PKHD1L1: variants seen among roughly 807,000 people sequenced by gnomAD.
PKHD1L1 encodes the protein PKHD1 like 1.
In PKHD1L1, 434 loss-of-function variants were observed where a neutral mutation model predicts 462.9. That is an observed-to-expected ratio of 0.94 (90% confidence interval 0.87 to 1.02). The LOEUF (loss-of-function observed/expected upper bound fraction) is 1.02, where lower values mean the gene tolerates loss of function less well. PKHD1L1 is among the 50% of genes least tolerant of loss of function. The probability of loss-of-function intolerance (pLI) is 0.00; values close to 1 mark genes in which losing one functional copy is unlikely to be tolerated. For synonymous variants in PKHD1L1, 1,781 were observed against 1,750.0 expected, an observed-to-expected ratio of 1.02 and a Z score of -0.44; for missense variants, 5,202 against 5,096.1, an observed-to-expected ratio of 1.02 and a Z score of -0.63.
chr8:109,398,633 A>G, intron 12 of PKHD1L1, 85 bp downstream of exon 12: 1 of 561,870 alleles, frequency 1.8e-6, no homozygotes, highest in Non-Finnish European at 2.7e-6. Flanking sequence ...AATTTTTAGA[A>G]TTTAGAATTT....
At position 109,404,593 on chromosome 8, in the gene PKHD1L1, T is replaced by C. The variant is rs571327997; in HGVS notation, c.1413T>C (p.Ser471=). 3.8e-5 allele frequency: 60 copies of C among 1,595,850 alleles called. No homozygotes were observed. Among genetic ancestry groups the C allele is most frequent in the Non-Finnish European group, 4.8e-5 (56 of 1,170,196 alleles). Residue 471 remains serine (S), a synonymous_variant, in exon 15 of 78, where the codon AGT becomes AGC. Transcript: ENST00000378402. The part of the protein sequence containing the change: ...IEILLQEYRL[S]AFVDVGLYQY... ...TCTTGCTGCAGGAGTACAGATTAAG[T>C]GCATTTGTTGATGTTGGACTGTACC...
At chr8:109,515,057 A>G in intron 71 of PKHD1L1, 113 bp from the exon 72 acceptor site, 1 of 850,798 alleles carries the variant, frequency 1.2e-6, no homozygotes, top group Non-Finnish European at 1.7e-6. Flanking sequence ...CCAAATCCAT[A>G]AAACTTAGTT....
At chr8:109,520,661 A>G (rs912179993) in intron 73 of PKHD1L1, among the ~76,000 whole-genome samples, 1 of 152,138 alleles carries the variant, frequency 6.6e-6, no homozygotes, top group Non-Finnish European at 1.5e-5. Flanking sequence ...GGCAAGAAAG[A>G]TGTTCATGTA....
intron 2 of PKHD1L1, among the ~76,000 whole-genome samples, chr8:109,372,520 G>T (rs971331848): frequency 2.6e-5 from 4 of 152,110 alleles, no homozygotes; most frequent in Non-Finnish European, 5.9e-5. Flanking sequence ...TGGTTGCCCT[G>T]GCCAGAACTT....
At chr8:109,364,399 C>G (rs573694612) in intron 1 of PKHD1L1, 148 bp from the exon 2 acceptor site, 25 of 663,176 alleles carry the variant, frequency 3.8e-5, no homozygotes, top group Middle Eastern at 4.1e-4. Flanking sequence ...TTGGCAGAGC[C>G]AAAAATAAAA....
chr8:109,502,311 T>TATA (rs1819462264), intron 67 of PKHD1L1, among the ~76,000 whole-genome samples: 2 of 152,280 alleles, frequency 1.3e-5, no homozygotes, highest in South Asian at 4.1e-4. Flanking sequence ...CATACTAGTG[T>TATA]ATAATTCCCT....
rs55680302 is a variant in PKHD1L1 at position 109,389,499 on chromosome 8, AGTGTGTGTGTGTGTGT to A, written c.697+380_697+395del. Among the ~76,000 whole-genome samples the A allele has an allele frequency of 4.2e-3, 596 of 140,840 alleles. 6 individuals carry two copies. Among genetic ancestry groups the A allele is most frequent in the African/African-American group, 0.014 (505 of 37,280 alleles). The allele number at this position is 140,840 out of a possible 152,430, so 92.4% of individuals were successfully genotyped here. A position where few individuals can be genotyped will look rare whatever the true frequency, so the allele number is the denominator to read the frequency against. ...CCTCCAGACACATAGATCTTTTAAGAGTGTGTGTGTGTGTGTGTGTGTGTGTGTGTGTGTGTGTGTG... is the reference window on the plus strand; with the variant it reads ...CCTCCAGACACATAGATCTTTTAAGAGTGTGTGTGTGTGTGTGTGTGTGTG... On this transcript the variant is annotated intron_variant, in intron 8 of 77. Coordinates refer to ENST00000378402, the MANE Select transcript of PKHD1L1 (RefSeq NM_177531.6).
intron 50 of PKHD1L1, 75 bp downstream of exon 50, chr8:109,466,844 T>C: frequency 7.4e-7 from 1 of 1,348,674 alleles, no homozygotes; most frequent in Non-Finnish European, 1.0e-6. Flanking sequence ...CTTCTTGCAT[T>C]GTTACTTGGT....
chr8:109,415,463 G>T (rs2124982), intron 21 of PKHD1L1, among the ~76,000 whole-genome samples: 2 of 151,988 alleles, frequency 1.3e-5, no homozygotes, highest in African/African-American at 2.4e-5. Flanking sequence ...GTATGAAGTG[G>T]GAAACAGCCA....
In PKHD1L1 at chr8:109,385,410, A is replaced by T. The variant is rs117037443; in HGVS notation, c.476-127A>T. The T allele has an allele frequency of 7.9e-3, 4,375 of 552,338 alleles. 39 individuals are homozygous for T. Among genetic ancestry groups the T allele is most frequent in the Middle Eastern group, 0.045 (163 of 3,612 alleles). 34.2% of individuals were successfully genotyped at this position (552,338 alleles called of 1,614,324 possible). A position where few individuals can be genotyped will look rare whatever the true frequency, so the allele number is the denominator to read the frequency against. On this transcript the variant is annotated intron_variant, in intron 5 of 77. Transcript: ENST00000378402. The stretch of plus-strand genomic sequence containing the variant: ...AACTTTCAGAACAATGCTAAACAAT[A>T]GTGGCAAACATGAGGTATAAGTGTC...
At chr8:109,427,430 A>G (rs907901911) in intron 25 of PKHD1L1, among the ~76,000 whole-genome samples, 5 of 152,166 alleles carry the variant, frequency 3.3e-5, no homozygotes, top group African/African-American at 1.2e-4. Flanking sequence ...TGACAGGGGC[A>G]GGTGGAGCGC....
chr8:109,428,863 T>C (rs1353839959), intron 25 of PKHD1L1, among the ~76,000 whole-genome samples: 1 of 152,292 alleles, frequency 6.6e-6, no homozygotes, highest in East Asian at 1.9e-4. Flanking sequence ...TTTTTACCAT[T>C]GGAAGAACAT....
intron 70 of PKHD1L1, 29 bp from the exon 71 acceptor site, chr8:109,510,748 G>A: frequency 6.2e-7 from 1 of 1,603,326 alleles, no homozygotes; most frequent in Non-Finnish European, 8.5e-7. Context: ...TGATATAGGA[G>A]TATGCACTTT....
intron 14 of PKHD1L1, among the ~76,000 whole-genome samples, chr8:109,402,218 G>C (rs755199749): frequency 6.6e-6 from 1 of 152,146 alleles, no homozygotes; most frequent in Non-Finnish European, 1.5e-5. Context: ...GTGGTGGAAT[G>C]GAGTTACATG....
chr8:109,494,046 A>T (rs572492661), intron 63 of PKHD1L1, among the ~76,000 whole-genome samples: 19 of 151,960 alleles, frequency 1.3e-4, no homozygotes, highest in East Asian at 5.8e-4. Context: ...CACCATTTTT[A>T]AAAAAACGGC....
chr8:109,483,200 T>A (rs769683359), intron 57 of PKHD1L1, 95 bp downstream of exon 57: 32 of 828,016 alleles, frequency 3.9e-5, no homozygotes, highest in Non-Finnish European at 5.4e-5. Context: ...CATTTTCTCA[T>A]GTGATTAACC....
chr8:109,475,706 G>A (rs912871102), intron 51 of PKHD1L1, among the ~76,000 whole-genome samples: 1 of 151,678 alleles, frequency 6.6e-6, no homozygotes, highest in Non-Finnish European at 1.5e-5. Flanking sequence ...GATTAGCCGG[G>A]TGTGGTGGTG....
In PKHD1L1 at chr8:109,524,792, C is replaced by T. The variant is rs142185956; in HGVS notation, c.12484+1406C>T. On this transcript the variant is annotated intron_variant, in intron 76 of 77. Coordinates refer to ENST00000378402, the MANE Select transcript of PKHD1L1 (RefSeq NM_177531.6). Reference sequence around the variant, plus strand: ...TGTGTTTCCTTTTCCTCCTTTCCTTCCTTCCCTCCCTCCATCCCTCCTTCC... The same window carrying T: ...TGTGTTTCCTTTTCCTCCTTTCCTTTCTTCCCTCCCTCCATCCCTCCTTCC... Among the ~76,000 whole-genome samples, 218 of 145,468 alleles carry T rather than the reference C, an allele frequency of 1.5e-3. 1 individual carries two copies. Among genetic ancestry groups the T allele is most frequent in the African/African-American group, 5.5e-3 (210 of 38,180 alleles).
intron 22 of PKHD1L1, 55 bp from the exon 23 acceptor site, chr8:109,420,463 G>A (rs1814402261): frequency 8.2e-7 from 1 of 1,213,068 alleles, no homozygotes; most frequent in Non-Finnish European, 1.1e-6. Context: ...ATTTTACATG[G>A]CAAAAACCAC....
Sources: allele counts gnomAD v4.1 joint callset (sites outside exome capture counted in the v4.1 genomes callset), GRCh38; gene constraint gnomAD v4.1.1; transcripts MANE v1.5; gene names NCBI Gene and HGNC (gene_info 2026-07-23, HGNC 2026-07-21).